PDE4B: variants seen among roughly 807,000 people sequenced by gnomAD.
PDE4B encodes the protein phosphodiesterase 4B, also known as 3',5'-cyclic-AMP phosphodiesterase 4B.
A neutral mutation model predicts 82.2 loss-of-function variants in PDE4B; 20 were observed. The ratio of observed to expected loss-of-function variants is 0.24; its 90% CI spans 0.17 to 0.35. The LOEUF (loss-of-function observed/expected upper bound fraction) is 0.35. Ranked by LOEUF, PDE4B falls within the 10% of genes least tolerant of loss-of-function variation. The pLI, the probability that PDE4B is intolerant of heterozygous loss-of-function variation, is 1.00. For synonymous variants in PDE4B, 320 were observed against 318.9 expected, an observed-to-expected ratio of 1.00 and a Z score of -0.04; for missense variants, 655 against 907.2, an observed-to-expected ratio of 0.72 and a Z score of 3.57.
chr1:66,174,071 G>A (rs1646886852), intron 3 of PDE4B, among the ~76,000 whole-genome samples: 1 of 152,228 alleles, frequency 6.6e-6, no homozygotes, highest in African/African-American at 2.4e-5. Context: ...ACAGGTGTCA[G>A]CCACTGCACC....
intron 3 of PDE4B, among the ~76,000 whole-genome samples, chr1:66,073,637 C>G (rs1030834155): frequency 6.6e-6 from 1 of 152,098 alleles, no homozygotes; most frequent in African/African-American, 2.4e-5. Context: ...TTGCAGCCAG[C>G]TCCAAGTTTT....
intron 1 of PDE4B, among the ~76,000 whole-genome samples, chr1:65,895,932 AAATAATAAT>A (rs58207336): frequency 0.014 from 2,044 of 143,672 alleles, 39 homozygotes; most frequent in African/African-American, 0.043. Context: ...ATGAAAAAGA[AAATAATAAT>A]AATAATAATA....
intron 3 of PDE4B, among the ~76,000 whole-genome samples, chr1:66,123,474 C>T (rs1645754760): frequency 6.6e-6 from 1 of 152,008 alleles, no homozygotes; most frequent in Admixed American, 6.6e-5. Context: ...AGAATGCCTG[C>T]CTGCCTTTCT....
intron 7 of PDE4B, chr1:66,330,767 C>T (rs1570705333): frequency 1.0e-6 from 1 of 985,224 alleles, no homozygotes; most frequent in Non-Finnish European, 1.2e-6. Context: ...GTTTCGGACA[C>T]ACTAGAGAGT....
At chr1:66,075,251 AAGCCCCAATTTTGG>A (rs1166559640) in intron 3 of PDE4B, among the ~76,000 whole-genome samples, 4 of 151,998 alleles carry the variant, frequency 2.6e-5, no homozygotes, top group Non-Finnish European at 5.9e-5. Context: ...ATCCCATGCT[AAGCCCCAATTTTGG>A]GGTTCACCTG....
At chr1:66,346,903 C>T (rs1171453961) in intron 8 of PDE4B, among the ~76,000 whole-genome samples, 1 of 152,158 alleles carries the variant, frequency 6.6e-6, no homozygotes, top group African/African-American at 2.4e-5. Context: ...TCCTAATCTT[C>T]CCATTTCAAA....
At chr1:65,871,202 G>C (rs1314598890) in intron 1 of PDE4B, among the ~76,000 whole-genome samples, 1 of 152,158 alleles carries the variant, frequency 6.6e-6, no homozygotes, top group Admixed American at 6.5e-5. Flanking sequence ...TGATCTATTT[G>C]AAGTATGCTT....
chr1:66,105,566 C>T (rs1239861718), intron 3 of PDE4B, among the ~76,000 whole-genome samples: 1 of 152,100 alleles, frequency 6.6e-6, no homozygotes, highest in Non-Finnish European at 1.5e-5. Context: ...TTCTTCCTAC[C>T]CATGAGCATG....
intron 7 of PDE4B, among the ~76,000 whole-genome samples, chr1:66,290,119 G>T (rs1396806277): frequency 2.0e-5 from 3 of 152,132 alleles, no homozygotes; most frequent in Non-Finnish European, 4.4e-5. Context: ...ATCTGATGTA[G>T]CCAAGAAGAG....
Position 66,334,541 on chromosome 1 carries a change from A to G in PDE4B, c.747+1921A>G, listed in dbSNP as rs76120951. Among the ~76,000 whole-genome samples, 158 of 152,324 alleles carry G rather than the reference A, an allele frequency of 1.0e-3. No homozygotes were observed. The East Asian group carries it at 0.028, about 27-fold the overall frequency. The stretch of plus-strand genomic sequence containing the variant: ...TGTGTGCAGGAAGCAATGAAAGTTG[A>G]ATAGAGCTAACCCTAACAAAAGGGC... On this transcript the variant is annotated intron_variant, in intron 8 of 16. Coordinates refer to ENST00000341517, the MANE Select transcript of PDE4B (RefSeq NM_002600.4).
chr1:66,069,850 G>A (rs1656059995), intron 3 of PDE4B, among the ~76,000 whole-genome samples: 1 of 151,868 alleles, frequency 6.6e-6, no homozygotes, highest in Non-Finnish European at 1.5e-5. Flanking sequence ...GTGGAATTAT[G>A]TTTCCTGTGA....
chr1:65,875,953 A>T (rs75178976), intron 1 of PDE4B, among the ~76,000 whole-genome samples: 15 of 111,792 alleles, frequency 1.3e-4, no homozygotes, highest in Admixed American at 4.3e-4. Context: ...AAGTATAATT[A>T]AAAAAAAAAT....
chr1:66,081,781 C>T (rs190250140), intron 3 of PDE4B, among the ~76,000 whole-genome samples: 4 of 150,850 alleles, frequency 2.7e-5, no homozygotes, highest in South Asian at 4.2e-4. Flanking sequence ...TACTATAAAA[C>T]ATTCTACACG....
chr1:66,157,672 A>G (rs952712699), intron 3 of PDE4B, among the ~76,000 whole-genome samples: 1 of 152,098 alleles, frequency 6.6e-6, no homozygotes, highest in Admixed American at 6.6e-5. Context: ...AATATAGTAT[A>G]TATTTGCTTA....
At chr1:66,112,065 G>T (rs1467042258) in intron 3 of PDE4B, among the ~76,000 whole-genome samples, 1 of 152,018 alleles carries the variant, frequency 6.6e-6, no homozygotes, top group African/African-American at 2.4e-5. Flanking sequence ...TATATAAAAA[G>T]TTGATTAATT....
intron 3 of PDE4B, among the ~76,000 whole-genome samples, chr1:66,138,451 G>A (rs1194235426): frequency 4.6e-5 from 7 of 152,090 alleles, no homozygotes; most frequent in African/African-American, 1.2e-4. Flanking sequence ...CCCTGGAGGC[G>A]GAGGTTGCAG....
chr1:65,877,629 A>AC (rs1646661395), intron 1 of PDE4B, among the ~76,000 whole-genome samples: 1 of 150,494 alleles, frequency 6.6e-6, no homozygotes, highest in African/African-American at 2.4e-5. Flanking sequence ...ATAAATAAAT[A>AC]AATAAATAAA....
intron 3 of PDE4B, among the ~76,000 whole-genome samples, chr1:66,005,943 C>T (rs1569949993): frequency 6.6e-6 from 1 of 152,132 alleles, no homozygotes; most frequent in South Asian, 2.1e-4. Flanking sequence ...CCTGCTCTAC[C>T]ACCCTTACCT....
chr1:66,218,579 A>G (rs532354248), intron 3 of PDE4B, among the ~76,000 whole-genome samples: 1 of 152,130 alleles, frequency 6.6e-6, no homozygotes, highest in South Asian at 2.1e-4. Flanking sequence ...CTAGATAATC[A>G]ATCCTTTTCA....
Sources: allele counts gnomAD v4.1 joint callset (sites outside exome capture counted in the v4.1 genomes callset), GRCh38; gene constraint gnomAD v4.1.1; transcripts MANE v1.5; gene names NCBI Gene and HGNC (gene_info 2026-07-23, HGNC 2026-07-21).